Variants in HYDIN observed in about 807,000 individuals in gnomAD.
The protein encoded by HYDIN is HYDIN axonemal central pair apparatus protein.
Under a neutral mutation model 403.9 loss-of-function variants are expected in HYDIN, and 132 were observed. The observed-to-expected ratio is 0.33, with a 90% CI of 0.28 to 0.38. The LOEUF (loss-of-function observed/expected upper bound fraction) is 0.38, where lower values mean the gene tolerates loss of function less well. Ranked by LOEUF, HYDIN falls within the 10% of genes least tolerant of loss-of-function variation. The pLI, the probability that HYDIN is intolerant of heterozygous loss-of-function variation, is 1.00. For synonymous variants in HYDIN, 1,202 were observed against 1,891.7 expected (o/e 0.64, Z 9.46); for missense variants, 2,827 against 5,009.5 (o/e 0.56, Z 13.15).
intron 21 of HYDIN, 127 bp from the exon 22 acceptor site, chr16:71,020,444 G>C: frequency 1.5e-6 from 2 of 1,333,118 alleles, no homozygotes; most frequent in Non-Finnish European, 2.0e-6. Context: ...GTGTGTGTGT[G>C]TGTGTATATA....
chr16:71,054,255 C>T (rs2081781871), intron 18 of HYDIN, among the ~76,000 whole-genome samples: 2 of 152,296 alleles, frequency 1.3e-5, no homozygotes, highest in South Asian at 4.1e-4. Context: ...ACTGTAGTTG[C>T]TGTCTGATTC....
chr16:71,144,898 A>G (rs983112845), intron 7 of HYDIN, among the ~76,000 whole-genome samples: 1 of 151,916 alleles, frequency 6.6e-6, no homozygotes, highest in African/African-American at 2.4e-5. Context: ...ACTCATCAAC[A>G]GCCCATGTTA....
chr16:71,080,073 T>C (rs1223431069), intron 12 of HYDIN, 121 bp from the exon 13 acceptor site: 6 of 599,464 alleles, frequency 1.0e-5, no homozygotes, highest in Non-Finnish European at 1.5e-5. Context: ...AATTATAGTA[T>C]CCAGGATTTA....
intron 13 of HYDIN, chr16:71,075,952 G>A (rs1224064475): frequency 9.9e-6 from 4 of 402,696 alleles, no homozygotes; most frequent in Non-Finnish European, 2.0e-5. Context: ...ACGCTGAAAG[G>A]GAATCAGTAC....
At chr16:71,186,652 TA>T in intron 2 of HYDIN, 108 bp downstream of exon 2, 1 of 832,088 alleles carries the variant, frequency 1.2e-6, no homozygotes, top group Non-Finnish European at 1.9e-6. Context: ...AAATTGATAT[TA>T]ATCAGTCAGT....
intron 1 of HYDIN, among the ~76,000 whole-genome samples, chr16:71,188,990 A>C (rs1268141379): frequency 6.6e-6 from 1 of 152,234 alleles, no homozygotes; most frequent in Non-Finnish European, 1.5e-5. Context: ...ATTCTCCTGG[A>C]AATTTTAAAG....
chr16:70,904,974 C>A (rs2076494149), intron 50 of HYDIN, among the ~76,000 whole-genome samples: 1 of 152,038 alleles, frequency 6.6e-6, no homozygotes, highest in African/African-American at 2.4e-5. Flanking sequence ...CAGAGTTGAG[C>A]ACTGGGGGCA....
intron 23 of HYDIN, among the ~76,000 whole-genome samples, chr16:70,999,840 C>T (rs1333564462): frequency 2.0e-5 from 3 of 152,210 alleles, no homozygotes; most frequent in African/African-American, 7.2e-5. Flanking sequence ...AACAGTTTTG[C>T]TGTCAGGTGA....
intron 52 of HYDIN, among the ~76,000 whole-genome samples, chr16:70,902,821 A>ATAT: frequency 6.3e-5 from 3 of 47,310 alleles, no homozygotes; most frequent in African/African-American, 2.3e-4. Flanking sequence ...ATATATATAT[A>ATAT]TTTTTTTTTT....
At chr16:70,926,077 G>C (rs1448385703) in intron 45 of HYDIN, among the ~76,000 whole-genome samples, 1 of 150,404 alleles carries the variant, frequency 6.6e-6, no homozygotes, top group Non-Finnish European at 1.5e-5. Context: ...TCTAGAACTA[G>C]AAATACCATT....
At chr16:71,199,124 C>T (rs898742980) in intron 1 of HYDIN, among the ~76,000 whole-genome samples, 1 of 152,154 alleles carries the variant, frequency 6.6e-6, no homozygotes, top group South Asian at 2.1e-4. Flanking sequence ...ATTTGGATCT[C>T]CTCTTTTGTG....
chr16:70,897,629 G>C, intron 53 of HYDIN, among the ~76,000 whole-genome samples: 1 of 144,350 alleles, frequency 6.9e-6, no homozygotes, highest in Non-Finnish European at 1.5e-5. Context: ...GGAGGCAGTG[G>C]GGAGGCTGAA....
intron 5 of HYDIN, among the ~76,000 whole-genome samples, chr16:71,173,575 A>G (rs2086550768): frequency 6.6e-6 from 1 of 152,366 alleles, no homozygotes; most frequent in Non-Finnish European, 1.5e-5. Flanking sequence ...AAGACAGACT[A>G]GCATGACAAA....
intron 18 of HYDIN, among the ~76,000 whole-genome samples, chr16:71,046,360 A>G (rs1290939441): frequency 1.3e-5 from 2 of 152,178 alleles, no homozygotes; most frequent in African/African-American, 4.8e-5. Context: ...GTACTCATAC[A>G]CTGAATAACT....
chr16:71,227,144 T>A (rs1373054350), intron 1 of HYDIN, among the ~76,000 whole-genome samples: 17 of 150,080 alleles, frequency 1.1e-4, no homozygotes, highest in Non-Finnish European at 1.5e-5. Flanking sequence ...TATATATATG[T>A]GTATGTGTGT....
rs370766647 is a variant in HYDIN at position 70,807,718 on chromosome 16, G to A, written c.15228C>T (p.Asn5076=). The A allele has an allele frequency of 1.3e-5, 21 of 1,614,078 alleles. No individual in the cohort carries two copies. In the African/African-American group the frequency reaches 2.7e-4, roughly 21 times the overall value. Reference sequence around the variant, plus strand: ...GGTTTCCTTCAAAGGAGACTGTGATGTTGTTGATCTTCTTGGGCCGCACAG... The same window carrying A: ...GGTTTCCTTCAAAGGAGACTGTGATATTGTTGATCTTCTTGGGCCGCACAG... ...GESVRPKKIN[N]ITVSFEGNPS... is the part of the protein sequence containing the mutation. Residue 5076 remains asparagine (N), a synonymous_variant, in exon 86 of 86, where the codon AAC becomes AAT. Coordinates refer to ENST00000393567, the MANE Select transcript of HYDIN (RefSeq NM_001270974.2).
intron 50 of HYDIN, among the ~76,000 whole-genome samples, chr16:70,905,472 T>C (rs991910756): frequency 1.3e-5 from 2 of 150,786 alleles, no homozygotes; most frequent in African/African-American, 2.4e-5. Flanking sequence ...TGAAACCCCA[T>C]CTCTACAAAA....
intron 1 of HYDIN, among the ~76,000 whole-genome samples, chr16:71,201,467 C>A (rs945882192): frequency 1.1e-4 from 16 of 152,170 alleles, no homozygotes; most frequent in Non-Finnish European, 2.4e-4. Flanking sequence ...CCTAAGGAAA[C>A]CCCTCACTCC....
chr16:71,165,701 G>A (rs2086192140), intron 5 of HYDIN, among the ~76,000 whole-genome samples: 1 of 151,994 alleles, frequency 6.6e-6, no homozygotes, highest in South Asian at 2.1e-4. Flanking sequence ...CATGATATGG[G>A]GACAGAGAGA....
Sources: gnomAD v4.1 joint callset for allele counts (sites outside exome capture counted in the v4.1 genomes callset) on GRCh38, gnomAD v4.1.1 for gene constraint, MANE v1.5 for transcripts, NCBI Gene and HGNC (gene_info 2026-07-23, HGNC 2026-07-21) for gene names.